The following FBXO43 variants were observed in gnomAD, a reference collection of about 807,000 sequenced individuals.
FBXO43 encodes F-box only protein 43.
FBXO43 carries 22 observed loss-of-function variants against 56.7 expected under a neutral mutation model. That is an observed-to-expected ratio of 0.39 (90% CI 0.28 to 0.55). The LOEUF (loss-of-function observed/expected upper bound fraction) is 0.55, where lower values mean the gene tolerates loss of function less well. FBXO43 is among the 20% of genes least tolerant of loss of function. FBXO43 has a pLI of 0.66. For synonymous variants in FBXO43, 306 were observed against 294.5 expected (o/e 1.04, Z -0.40); for missense variants, 733 against 814.9 (o/e 0.90, Z 1.22).
In FBXO43 at chr8:100,145,382, A is replaced by G. The variant is rs1814799615; in HGVS notation, c.-247T>C. ...TAAACTTCCCAAATTCGGGTTCCTG[A>G]AAAGGCAGCGTGTGCTGCAGCCTGG... On this transcript the variant is annotated 5_prime_UTR_variant, in exon 1 of 5. Transcript: ENST00000428847. 2.8e-6 allele frequency: 1 copy of G among 359,216 alleles called. No individual in the cohort carries two copies. 22.3% of individuals were successfully genotyped at this position (359,216 alleles called of 1,614,324 possible).
At chr8:100,137,710 G>A (rs1196895237) in intron 2 of FBXO43, 43 bp from the exon 3 acceptor site, 4 of 1,444,992 alleles carry the variant, frequency 2.8e-6, no homozygotes, top group East Asian at 4.7e-5. Flanking sequence ...ACATTCTATA[G>A]GATTAACATT....
intron 3 of FBXO43, among the ~76,000 whole-genome samples, chr8:100,135,024 G>A (rs1814427859): frequency 6.6e-6 from 1 of 151,724 alleles, no homozygotes; most frequent in Non-Finnish European, 1.5e-5. Context: ...GAAACACTAA[G>A]CAAAAATAAA....
At position 100,140,816 on chromosome 8, in the gene FBXO43, A is replaced by G. The variant is rs1814616357; in HGVS notation, c.1438T>C (p.Cys480Arg). The G allele has an allele frequency of 1.2e-6, 2 of 1,614,138 alleles. No homozygotes were observed. The highest frequency in any genetic ancestry group is 1.7e-6 in the Non-Finnish European group (2 of 1,179,994). The change falls in exon 2 of 5, where the codon TGT (cysteine) becomes CGT (arginine). Residue 480 changes from cysteine to arginine, a missense_variant. Transcript: ENST00000428847. ...TTGCCGATCAGTCCTGCAAGTATAC[A>G]CTGCAGTACAGCTATTTTCTCCCCA... ...GDGEKIAVLQ[C>R]ILAGLIGKKM...
chr8:100,136,499 A>G (rs535749518), intron 3 of FBXO43, among the ~76,000 whole-genome samples: 8 of 152,270 alleles, frequency 5.3e-5, no homozygotes, highest in Non-Finnish European at 1.2e-4. Context: ...TGCCTATTAC[A>G]CAAAATAGCA....
Position 100,141,121 on chromosome 8 carries a change from A to G in FBXO43, c.1133T>C (p.Leu378Pro), listed in dbSNP as rs1028355590. 6.2e-7 allele frequency: 1 copy of G among 1,614,056 alleles called. No individual in the cohort carries two copies. Among genetic ancestry groups the G allele is most frequent in the African/African-American group, 1.3e-5 (1 of 74,916 alleles). ...GGTGGACAGTCTTCTCGACCTTCCAAGATGTCTTGTCTTTCTTATGGTGTC... is the reference window on the plus strand; with the variant it reads ...GGTGGACAGTCTTCTCGACCTTCCAGGATGTCTTGTCTTTCTTATGGTGTC... ...VGDTIRKTRH[L>P]GRSRRLSTLR... Residue 378 changes from leucine (L) to proline (P), a missense_variant, in exon 2 of 5, where the codon CTT (leucine) becomes CCT (proline). Leu to Pro is a moderately conservative substitution (Grantham distance 98). Transcript: ENST00000428847.
upstream of FBXO43, chr8:100,150,518 A>G (rs1426438032): frequency 6.6e-6 from 1 of 152,270 alleles, no homozygotes; most frequent in Non-Finnish European, 1.5e-5. Context: ...AATAGACAGA[A>G]AGCCCCTGCT....
At chr8:100,135,837 G>A (rs2132120781) in intron 3 of FBXO43, among the ~76,000 whole-genome samples, 1 of 152,074 alleles carries the variant, frequency 6.6e-6, no homozygotes, top group African/African-American at 2.4e-5. Flanking sequence ...AACTCCTGAT[G>A]TCAAGTGATC....
In FBXO43 at chr8:100,134,150, T is replaced by C. The variant is rs758220966; in HGVS notation, c.1878+11A>G. 6.2e-7 allele frequency: 1 copy of C among 1,610,096 alleles called. No homozygotes were observed. The highest frequency in any genetic ancestry group is 8.5e-7 in the Non-Finnish European group (1 of 1,177,928). ...TTATTTCTAATAACTTATGACATAATAAATACTTACCTTAACATATTCTTC... is the reference window on the plus strand; with the variant it reads ...TTATTTCTAATAACTTATGACATAACAAATACTTACCTTAACATATTCTTC... On this transcript the variant is annotated intron_variant, in intron 4 of 4. Coordinates refer to ENST00000428847, the MANE Select transcript of FBXO43 (RefSeq NM_001029860.4).
Position 100,140,950 on chromosome 8 carries a change from T to G in FBXO43, c.1304A>C (p.Lys435Thr). The change falls in exon 2 of 5, where the codon AAG (lysine) becomes ACG (threonine). Residue 435 changes from lysine (K) to threonine (T), a missense_variant. Physicochemically the swap from Lys to Thr is moderately conservative, Grantham distance 78. Coordinates refer to ENST00000428847, the MANE Select transcript of FBXO43 (RefSeq NM_001029860.4). ...CAAGGCTGGGGTCTTTGATAAATTC[T>G]TTAAGCTAAAGGTCAAATCCCCACT... The part of the protein sequence containing the change: ...DESGDLTFSL[K>T]NLSKTPALQL... 1 of 1,614,252 alleles carries G rather than the reference T, an allele frequency of 6.2e-7. No individual in the cohort carries two copies. The highest frequency in any genetic ancestry group is 1.1e-5 in the South Asian group (1 of 91,088).
At chr8:100,135,947 T>C (rs1220765361) in intron 3 of FBXO43, among the ~76,000 whole-genome samples, 2 of 149,702 alleles carry the variant, frequency 1.3e-5, no homozygotes, top group African/African-American at 2.5e-5. Context: ...TTTTTGAGAA[T>C]AGAACATTTC....
chr8:100,136,726 G>C (rs917690942), intron 3 of FBXO43, among the ~76,000 whole-genome samples: 3 of 152,182 alleles, frequency 2.0e-5, no homozygotes, highest in Non-Finnish European at 4.4e-5. Flanking sequence ...GGTCTCAGTA[G>C]AGATGCACTT....
Position 100,141,261 on chromosome 8 carries a change from A to G in FBXO43, c.993T>C (p.Pro331=). The part of the protein sequence containing the change: ...SPEVRGSIST[P]EDSGFNSLSL... Reference sequence around the variant, plus strand: ...TAAGTGAGTTAAAACCACTGTCTTCAGGCGTTGAAATACTGCCTCTCACTT... The same window carrying G: ...TAAGTGAGTTAAAACCACTGTCTTCGGGCGTTGAAATACTGCCTCTCACTT... Residue 331 remains proline (P), a synonymous_variant, in exon 2 of 5, where the codon CCT becomes CCC. Coordinates refer to ENST00000428847, the MANE Select transcript of FBXO43 (RefSeq NM_001029860.4). 6.2e-7 allele frequency: 1 copy of G among 1,614,176 alleles called. No individual in the cohort carries two copies. The highest frequency in any genetic ancestry group is 8.5e-7 in the Non-Finnish European group (1 of 1,180,016).
chr8:100,135,733 T>G (rs1814449537), intron 3 of FBXO43, among the ~76,000 whole-genome samples: 1 of 151,910 alleles, frequency 6.6e-6, no homozygotes, highest in African/African-American at 2.4e-5. Context: ...GCCTCCCAAA[T>G]AGCTGGGATT....
chr8:100,142,760 T>G (rs1016862902), intron 1 of FBXO43, among the ~76,000 whole-genome samples: 3 of 152,208 alleles, frequency 2.0e-5, no homozygotes, highest in African/African-American at 7.2e-5. Context: ...GACTTAAGAC[T>G]TTGCAAAGAC....
At position 100,145,474 on chromosome 8, in the gene FBXO43, G is replaced by T. The variant is rs1025813243; in HGVS notation, c.-339C>A. On this transcript the variant is annotated 5_prime_UTR_variant, in exon 1 of 5. Coordinates refer to ENST00000428847, the MANE Select transcript of FBXO43 (RefSeq NM_001029860.4). ...GGTCTCACCAGGGCGTCAAAGATCC[G>T]CTAGGCCCAGAAAGCCAAGGGCAGC... The T allele has an allele frequency of 1.9e-4, 36 of 189,282 alleles. No homozygotes were observed. Among genetic ancestry groups the T allele is most frequent in the African/African-American group, 8.1e-4 (35 of 43,004 alleles). 11.7% of individuals were successfully genotyped at this position (189,282 alleles called of 1,614,324 possible).
At chr8:100,135,556 G>C (rs1029461999) in intron 3 of FBXO43, among the ~76,000 whole-genome samples, 2 of 152,010 alleles carry the variant, frequency 1.3e-5, no homozygotes, top group African/African-American at 4.8e-5. Flanking sequence ...GAAAAGTACA[G>C]TTCTTTAAGA....
chr8:100,140,863 T>C lies in FBXO43; in HGVS notation c.1391A>G (p.His464Arg), dbSNP rs764715642. 1.2e-5 allele frequency: 19 copies of C among 1,614,124 alleles called. No individual in the cohort carries two copies. The Admixed American group carries it at 1.5e-4, about 13-fold the overall frequency. The change falls in exon 2 of 5, where the codon CAT becomes CGT. Residue 464 changes from histidine to arginine, a missense_variant. Transcript: ENST00000428847. ...CCCATCCCCTTGCTCTAAGAATTCATGTCCACTATTTTCCTGTAATCTTTT... is the reference window on the plus strand; with the variant it reads ...CCCATCCCCTTGCTCTAAGAATTCACGTCCACTATTTTCCTGTAATCTTTT... ...KRKRLQENSG[H>R]EFLEQGDGEK...
At chr8:100,135,330 G>T (rs1814437394) in intron 3 of FBXO43, among the ~76,000 whole-genome samples, 1 of 152,090 alleles carries the variant, frequency 6.6e-6, no homozygotes, top group Non-Finnish European at 1.5e-5. Context: ...AAATAGTAAA[G>T]AAATGACAGG....
rs763461073 is a variant in FBXO43 at position 100,141,133 on chromosome 8, T to C, written c.1121A>G (p.Lys374Arg). 37 of 1,614,090 alleles carry C rather than the reference T, an allele frequency of 2.3e-5. No individual in the cohort carries two copies. The highest frequency in any genetic ancestry group is 3.1e-5 in the Non-Finnish European group (36 of 1,180,036). ...GTPKVGDTIR[K>R]TRHLGRSRRL... ...TCTCGACCTTCCAAGATGTCTTGTC[T>C]TTCTTATGGTGTCCCCAACTTTGGG... Residue 374 changes from lysine to arginine, a missense_variant, in exon 2 of 5, where the codon AAG becomes AGG. Lys to Arg is a conservative substitution (Grantham distance 26). Coordinates refer to ENST00000428847, the MANE Select transcript of FBXO43 (RefSeq NM_001029860.4).
Sources: gnomAD v4.1 joint callset for allele counts (sites outside exome capture counted in the v4.1 genomes callset) on GRCh38, gnomAD v4.1.1 for gene constraint, MANE v1.5 for transcripts, NCBI Gene and HGNC (gene_info 2026-07-23, HGNC 2026-07-21) for gene names.